MUC5AC: variants seen among roughly 807,000 people sequenced by gnomAD.
MUC5AC encodes the protein mucin 5AC, oligomeric mucus/gel-forming.
MUC5AC carries 158 observed loss-of-function variants against 169.7 expected under a neutral mutation model. The ratio of observed to expected loss-of-function variants is 0.93; its 90% confidence interval spans 0.82 to 1.06. The LOEUF (loss-of-function observed/expected upper bound fraction) is 1.06. Ranked by LOEUF, MUC5AC falls within the 50% of genes least tolerant of loss-of-function variation. MUC5AC has a pLI of 0.00. For missense variants in MUC5AC, 4,359 were observed against 3,089.9 expected (o/e 1.41, Z -9.74); for synonymous variants, 1,975 against 1,237.0 (o/e 1.60, Z -12.52).
rs1006968881 is a variant in MUC5AC, at chr11:1,180,060, G to A, written c.3523G>A (p.Glu1175Lys). Residue 1175 changes from glutamate to lysine, a missense_variant, in exon 27 of 49, where the codon GAG becomes AAG. Transcript: ENST00000621226. ...CTACTACAACCCCGAAGGCCAGTGC[G>A]AGTGGCACTACCAGCCCTGCGGGGT... Reference protein sequence around the residue: ...CDYYNPEGQCEWHYQPCGVPC... With the variant: ...CDYYNPEGQCKWHYQPCGVPC... The A allele has an allele frequency of 8.7e-4, 348 of 398,992 alleles. No individual in the cohort carries two copies. Among genetic ancestry groups the A allele is most frequent in the African/African-American group, 6.3e-3 (309 of 48,760 alleles). 24.7% of individuals were successfully genotyped at this position (398,992 alleles called of 1,614,324 possible). A position where few individuals can be genotyped will look rare whatever the true frequency, so the allele number is the denominator to read the frequency against.
intron 10 of MUC5AC, 80 bp downstream of exon 10, chr11:1,165,499 G>A: frequency 1.3e-6 from 2 of 1,579,790 alleles, no homozygotes; most frequent in South Asian, 1.1e-5. Context: ...AGGCCGGCAG[G>A]CTCCCTCGTC....
chr11:1,181,049 G>A, intron 28 of MUC5AC, 90 bp from the exon 29 acceptor site: 2 of 398,364 alleles, frequency 5.0e-6, no homozygotes, highest in Non-Finnish European at 8.9e-6. Flanking sequence ...TGTCGGAGCT[G>A]CTCCCTGCCC....
At chr11:1,166,423 C>T (rs1452228307) in intron 11 of MUC5AC, among the ~76,000 whole-genome samples, 3 of 130,102 alleles carry the variant, frequency 2.3e-5, no homozygotes, top group African/African-American at 9.1e-5. Context: ...AGTCTCTGCA[C>T]GATGAGAGCC....
At position 1,181,353 on chromosome 11, in the gene MUC5AC, C is replaced by T; in HGVS notation, c.3903C>T (p.Ile1301=). The change falls in exon 30 of 49, where the codon ATC becomes ATT. Residue 1301 remains isoleucine, a synonymous_variant. Coordinates refer to ENST00000621226, the MANE Select transcript of MUC5AC (RefSeq NM_001304359.2). The stretch of plus-strand genomic sequence containing the variant: ...CGACGGATGGCACGGGTGGCTGCAT[C>T]TCCGCCCGCTGCGGGGCCAACGGCA... ...YHTTDGTGGC[I]SARCGANGTI... 1 of 398,758 alleles carries T rather than the reference C, an allele frequency of 2.5e-6. No homozygotes were observed. The highest frequency in any genetic ancestry group is 4.4e-6 in the Non-Finnish European group (1 of 226,198). The allele number at this position is 398,758 out of a possible 1,614,324, so 24.7% of individuals were successfully genotyped here. A position where few individuals can be genotyped will look rare whatever the true frequency, so the allele number is the denominator to read the frequency against.
intron 1 of MUC5AC, among the ~76,000 whole-genome samples, chr11:1,158,356 C>T (rs372810607): frequency 9.2e-5 from 14 of 152,330 alleles, no homozygotes; most frequent in African/African-American, 2.9e-4. Flanking sequence ...CGGATCCCTG[C>T]ACCTGTCCCC....
intron 19 of MUC5AC, among the ~76,000 whole-genome samples, chr11:1,175,570 C>T (rs1484631502): frequency 2.0e-5 from 2 of 100,324 alleles, no homozygotes; most frequent in Non-Finnish European, 4.7e-5. Flanking sequence ...CACTCATGCA[C>T]ATGCTCACAC....
At chr11:1,175,776 A>C (rs1860663256) in intron 19 of MUC5AC, among the ~76,000 whole-genome samples, 2 of 117,018 alleles carry the variant, frequency 1.7e-5, no homozygotes, top group African/African-American at 3.4e-5. Context: ...ACGCTCACAC[A>C]CCCACATGCA....
chr11:1,194,758 C>G (rs2133773244), intron 35 of MUC5AC, 88 bp downstream of exon 35: 1 of 649,854 alleles, frequency 1.5e-6, no homozygotes, highest in Admixed American at 2.4e-5. Context: ...GCCGCGTGTG[C>G]CGGTGTCTCT....
Position 1,168,425 on chromosome 11 carries a change from C to T in MUC5AC, c.1498-58C>T, listed in dbSNP as rs1412894557. On this transcript the variant is annotated intron_variant, in intron 12 of 48. Coordinates refer to ENST00000621226, the MANE Select transcript of MUC5AC (RefSeq NM_001304359.2). ...CTGCAGGCACATTTCACAGCCTCCGCGGGGCTGAGGTGCCGCAAGCCTGCC... is the reference window on the plus strand; with the variant it reads ...CTGCAGGCACATTTCACAGCCTCCGTGGGGCTGAGGTGCCGCAAGCCTGCC... The T allele has an allele frequency of 2.3e-5, 35 of 1,539,250 alleles. 1 individual carries two copies. In the South Asian group the frequency reaches 2.3e-4, roughly 10 times the overall value.
intron 1 of MUC5AC, among the ~76,000 whole-genome samples, chr11:1,158,877 T>C (rs1860042098): frequency 6.6e-6 from 1 of 152,170 alleles, no homozygotes; most frequent in Non-Finnish European, 1.5e-5. Flanking sequence ...TGCCAGGCAG[T>C]CTCAGAGCAA....
At position 1,164,542 on chromosome 11, in the gene MUC5AC, C is replaced by A. The variant is rs550585257; in HGVS notation, c.1129+10C>A. On this transcript the variant is annotated intron_variant, in intron 9 of 48. Transcript: ENST00000621226. Reference sequence around the variant, plus strand: ...TGCTTCTGCCCTGAGGGTGAGGCTCCCCCGCCCCTGGGAAACACAGGTGCA... The same window carrying A: ...TGCTTCTGCCCTGAGGGTGAGGCTCACCCGCCCCTGGGAAACACAGGTGCA... The A allele has an allele frequency of 1.3e-6, 2 of 1,599,552 alleles. No individual in the cohort carries two copies. The highest frequency in any genetic ancestry group is 1.7e-6 in the Non-Finnish European group (2 of 1,173,942).
At chr11:1,171,059 C>T (rs1408858340) in intron 15 of MUC5AC, among the ~76,000 whole-genome samples, 1 of 147,078 alleles carries the variant, frequency 6.8e-6, no homozygotes, top group Non-Finnish European at 1.5e-5. Context: ...CACCCATTCA[C>T]CCACTCACCG....
rs766296570 is a variant in MUC5AC at position 1,198,283 on chromosome 11, G to A, written c.16151G>A (p.Ser5384Asn). ...TCGTGGGCAGGCTGGACAGTGTGCA[G>A]CATCAACGGGACCCTGTACCAGGTA... ...PVQNCSWTVC[S>N]INGTLYQPGA... Residue 5384 changes from serine to asparagine, a missense_variant, in exon 43 of 49, where the codon AGC (serine) becomes AAC (asparagine). Coordinates refer to ENST00000621226, the MANE Select transcript of MUC5AC (RefSeq NM_001304359.2). The A allele has an allele frequency of 1.3e-6, 1 of 754,842 alleles. No homozygotes were observed. Among genetic ancestry groups the A allele is most frequent in the Non-Finnish European group, 2.4e-6 (1 of 413,516 alleles). 46.8% of individuals were successfully genotyped at this position (754,842 alleles called of 1,614,324 possible). A position where few individuals can be genotyped will look rare whatever the true frequency, so the allele number is the denominator to read the frequency against.
At chr11:1,161,050 C>T (rs998342382) in intron 2 of MUC5AC, among the ~76,000 whole-genome samples, 6 of 152,206 alleles carry the variant, frequency 3.9e-5, no homozygotes, top group South Asian at 2.1e-4. Context: ...TCTCCCTTGG[C>T]GCCGGCCGTC....
rs765238195 is a variant in MUC5AC at position 1,196,054 on chromosome 11, C to T, written c.15637C>T (p.Pro5213Ser). The change falls in exon 37 of 49, where the codon CCA (proline) becomes TCA (serine). Residue 5213 changes from proline (P) to serine (S), a missense_variant and splice_region_variant. By Grantham distance (74) the Pro-to-Ser change is moderately conservative. Transcript: ENST00000621226. ...GAGAGGCCGGACCGGCCACATGTGC[C>T]GTGAGTGCCACCACTGTCCTCAGGG... ...DWRGRTGHMC[P>S]FTCPADKVYQ... The T allele has an allele frequency of 2.2e-5, 17 of 763,610 alleles. No individual in the cohort carries two copies. The highest frequency in any genetic ancestry group is 1.0e-4 in the Admixed American group (6 of 58,904). 47.3% of individuals were successfully genotyped at this position (763,610 alleles called of 1,614,324 possible).
chr11:1,178,708 C>G, intron 25 of MUC5AC, 25 bp downstream of exon 25: 7 of 1,204,738 alleles, frequency 5.8e-6, no homozygotes, highest in Non-Finnish European at 5.3e-6. Context: ...GGGCGTTTCT[C>G]TGGGCCCAAG....
At chr11:1,180,304 AGGTGGACGACACTC>A in intron 27 of MUC5AC, 36 bp from the exon 28 acceptor site, 1 of 398,574 alleles carries the variant, frequency 2.5e-6, no homozygotes. Flanking sequence ...CTCCAGAGCG[AGGTGGACGACACTC>A]GGTCTGGTTG....
chr11:1,196,940 G>A, intron 40 of MUC5AC, 32 bp downstream of exon 40: 1 of 757,950 alleles, frequency 1.3e-6, no homozygotes, highest in Non-Finnish European at 2.4e-6. Context: ...AGAGGGCACT[G>A]GGGTCCAAGA....
In MUC5AC at chr11:1,195,066, T is replaced by C; in HGVS notation, c.15245T>C (p.Val5082Ala). ...TGCCGCACGCCTAGGGGGACGGTGG[T>C]CGCTTCCTGCTCCGAGATGTCCGGC... ...DECRTPRGTV[V>A]ASCSEMSGLW... Residue 5082 changes from valine (V) to alanine (A), a missense_variant, in exon 36 of 49, where the codon GTC becomes GCC. Coordinates refer to ENST00000621226, the MANE Select transcript of MUC5AC (RefSeq NM_001304359.2). The C allele has an allele frequency of 1.3e-6, 1 of 755,084 alleles. No individual in the cohort carries two copies. Among genetic ancestry groups the C allele is most frequent in the Non-Finnish European group, 2.4e-6 (1 of 413,550 alleles). 46.8% of individuals were successfully genotyped at this position (755,084 alleles called of 1,614,324 possible).
Sources: allele counts gnomAD v4.1 joint callset (sites outside exome capture counted in the v4.1 genomes callset), GRCh38; gene constraint gnomAD v4.1.1; transcripts MANE v1.5; gene names NCBI Gene and HGNC (gene_info 2026-07-23, HGNC 2026-07-21).